The following USO1 variants were observed in gnomAD, a reference collection of about 807,000 sequenced individuals.
USO1 encodes USO1 vesicle transport factor, also known as general vesicular transport factor p115.
A neutral mutation model predicts 124.5 loss-of-function variants in USO1; 57 were observed. That is an observed-to-expected ratio of 0.46 (90% CI 0.37 to 0.57). USO1 has a LOEUF of 0.57. Ranked by LOEUF, USO1 falls within the 20% of genes least tolerant of loss-of-function variation. The probability of loss-of-function intolerance (pLI) is 0.00; values close to 1 mark genes in which losing one functional copy is unlikely to be tolerated. For synonymous variants in USO1, 369 were observed against 362.8 expected (o/e 1.02, Z -0.19); for missense variants, 900 against 1,040.6 (o/e 0.86, Z 1.86).
chr4:75,739,707 C>T (rs1577927522), intron 1 of USO1, among the ~76,000 whole-genome samples: 1 of 151,474 alleles, frequency 6.6e-6, no homozygotes, highest in Non-Finnish European at 1.5e-5. Flanking sequence ...CCACCACACT[C>T]AGCTAGTTTT....
intron 1 of USO1, among the ~76,000 whole-genome samples, chr4:75,734,718 C>CTTTTTTTTTTTTTTTTTTTTTT (rs55928639): frequency 4.2e-5 from 2 of 47,450 alleles, no homozygotes; most frequent in Non-Finnish European, 7.1e-5. Context: ...GGCAGTATGG[C>CTTTTTTTTTTTTTTTTTTTTTT]TTTTTTTTTT....
chr4:75,788,351 A>G (rs1370351681), intron 10 of USO1, among the ~76,000 whole-genome samples: 1 of 149,386 alleles, frequency 6.7e-6, no homozygotes, highest in Non-Finnish European at 1.5e-5. Context: ...TAATTTTAGT[A>G]GAGACAGGGT....
chr4:75,778,668 A>T (rs1417562378), intron 8 of USO1, among the ~76,000 whole-genome samples: 1 of 152,162 alleles, frequency 6.6e-6, no homozygotes, highest in Non-Finnish European at 1.5e-5. Context: ...AGGGCCATGA[A>T]ACTATTCTGT....
chr4:75,812,084 AAG>A, intron 22 of USO1, 74 bp from the exon 23 acceptor site: 1 of 1,536,554 alleles, frequency 6.5e-7, no homozygotes, highest in Non-Finnish European at 8.7e-7. Context: ...TTGTCATAGA[AAG>A]AAACTATTTG....
intron 4 of USO1, among the ~76,000 whole-genome samples, chr4:75,761,588 A>T (rs1017629632): frequency 1.6e-4 from 25 of 152,152 alleles, no homozygotes; most frequent in African/African-American, 6.0e-4. Flanking sequence ...TTAGTTACTG[A>T]CATTTCTTAC....
chr4:75,812,291 A>G lies in USO1; in HGVS notation c.2715A>G (p.Glu905=), dbSNP rs1485532326. The G allele has an allele frequency of 3.1e-6, 5 of 1,607,590 alleles. No individual in the cohort carries two copies. Among genetic ancestry groups the G allele is most frequent in the Non-Finnish European group, 4.2e-6 (5 of 1,176,824 alleles). ...LELEITDSKK[E]QDDLLVLLAD... ...TGGAAATTACAGATTCTAAAAAAGA[A>G]CAAGATGATCTCTTGGTGCTCTTGG... The change falls in exon 23 of 24, where the codon GAA becomes GAG. Residue 905 remains glutamate (E), a synonymous_variant. Coordinates refer to ENST00000514213, the MANE Select transcript of USO1 (RefSeq NM_003715.4).
chr4:75,791,748 T>C (rs1722538456), intron 12 of USO1, among the ~76,000 whole-genome samples: 1 of 152,158 alleles, frequency 6.6e-6, no homozygotes. Context: ...TCATTTTAAT[T>C]ACATACATTG....
chr4:75,813,921 A>G lies in USO1; in HGVS notation c.*626A>G, dbSNP rs1424467737. ...GCTGACACACAGTGATGTGGAGGGCATTCCGGAGAAACTTTTGCAACAGTG... is the reference window on the plus strand; with the variant it reads ...GCTGACACACAGTGATGTGGAGGGCGTTCCGGAGAAACTTTTGCAACAGTG... On this transcript the variant is annotated 3_prime_UTR_variant, in exon 24 of 24. Transcript: ENST00000514213. 4 of 152,244 alleles carry G rather than the reference A, an allele frequency of 2.6e-5. No individual in the cohort carries two copies. The highest frequency in any genetic ancestry group is 9.6e-5 in the African/African-American group (4 of 41,470). 9.4% of individuals were successfully genotyped at this position (152,244 alleles called of 1,614,324 possible). A position where few individuals can be genotyped will look rare whatever the true frequency, so the allele number is the denominator to read the frequency against.
intron 21 of USO1, among the ~76,000 whole-genome samples, chr4:75,809,659 C>T (rs1391496841): frequency 2.0e-5 from 3 of 152,180 alleles, no homozygotes; most frequent in Non-Finnish European, 4.4e-5. Context: ...TTCCCAGTAA[C>T]ATGTTCCTAG....
rs1721894048 is a variant in USO1, at chr4:75,770,538, A to C, written c.395A>C (p.Glu132Ala). 14 of 1,568,424 alleles carry C rather than the reference A, an allele frequency of 8.9e-6. No homozygotes were observed. Among genetic ancestry groups the C allele is most frequent in the Non-Finnish European group, 1.2e-5 (14 of 1,157,922 alleles). Reference sequence around the variant, plus strand: ...GTCACTCTTCTGTTATCTTTATTGGAGGTAAATAGGGAACCTTGATGTTTT... The same window carrying C: ...GTCACTCTTCTGTTATCTTTATTGGCGGTAAATAGGGAACCTTGATGTTTT... ...ENVTLLLSLLEEFDFHVRWPG... is the reference protein window; with the variant it reads ...ENVTLLLSLLAEFDFHVRWPG... The change falls in exon 5 of 24, where the codon GAG becomes GCG. Residue 132 changes from glutamate to alanine, a missense_variant and splice_region_variant. By Grantham distance (107) the Glu-to-Ala change is moderately radical (BLOSUM62 -1). Coordinates refer to ENST00000514213, the MANE Select transcript of USO1 (RefSeq NM_003715.4).
chr4:75,726,321 A>C (rs773720094), intron 1 of USO1, among the ~76,000 whole-genome samples: 58 of 149,328 alleles, frequency 3.9e-4, no homozygotes, highest in African/African-American at 1.3e-3. Flanking sequence ...TAACTTGACC[A>C]ATGTCACACT....
intron 3 of USO1, among the ~76,000 whole-genome samples, chr4:75,754,426 A>G (rs1206646420): frequency 6.6e-6 from 1 of 152,144 alleles, no homozygotes; most frequent in African/African-American, 2.4e-5. Context: ...TTTGGTTTTC[A>G]TTAACTGTGC....
At chr4:75,806,696 C>T in intron 20 of USO1, 124 bp downstream of exon 20, 1 of 1,274,082 alleles carries the variant, frequency 7.8e-7, no homozygotes. Context: ...GTTAAGACAG[C>T]CATTTGAAAA....
At chr4:75,794,587 C>T (rs1722628361) in intron 13 of USO1, among the ~76,000 whole-genome samples, 1 of 152,206 alleles carries the variant, frequency 6.6e-6, no homozygotes, top group South Asian at 2.1e-4. Flanking sequence ...TTTAGCAAAA[C>T]TCTAAAGTCA....
chr4:75,782,677 C>T lies in USO1; in HGVS notation c.677-3C>T. 1.3e-6 allele frequency: 2 copies of T among 1,541,660 alleles called. No individual in the cohort carries two copies. The highest frequency in any genetic ancestry group is 1.7e-6 in the Non-Finnish European group (2 of 1,147,202). On this transcript the variant is annotated splice_region_variant and splice_polypyrimidine_tract_variant and intron_variant, in intron 8 of 23. Coordinates refer to ENST00000514213, the MANE Select transcript of USO1 (RefSeq NM_003715.4). The stretch of plus-strand genomic sequence containing the variant: ...ACGCTTGTGTTTTACATTATTTCCC[C>T]AGGTATAGTAGTTGAAGATTGTTTG...
chr4:75,765,637 C>CTTT (rs11385399), intron 4 of USO1, among the ~76,000 whole-genome samples: 5 of 144,882 alleles, frequency 3.5e-5, no homozygotes, highest in Non-Finnish European at 7.5e-5. Flanking sequence ...GGTACCAGTT[C>CTTT]TTTTTTTTTT....
rs780680210 is a variant in USO1 at position 75,770,964 on chromosome 4, A to T, written c.499+40A>T. Reference sequence around the variant, plus strand: ...TTTTTTATATTATTTTGATTCAAGCATGAGTATCATTTCCTAGAGAAAGGG... The same window carrying T: ...TTTTTTATATTATTTTGATTCAAGCTTGAGTATCATTTCCTAGAGAAAGGG... On this transcript the variant is annotated intron_variant, in intron 6 of 23. Coordinates refer to ENST00000514213, the MANE Select transcript of USO1 (RefSeq NM_003715.4). 3 of 1,600,266 alleles carry T rather than the reference A, an allele frequency of 1.9e-6. No homozygotes were observed. In the African/African-American group the frequency reaches 4.1e-5, roughly 22 times the overall value.
At chr4:75,763,370 T>C (rs1721677328) in intron 4 of USO1, among the ~76,000 whole-genome samples, 1 of 152,214 alleles carries the variant, frequency 6.6e-6, no homozygotes, top group African/African-American at 2.4e-5. Context: ...TCACCTTCAG[T>C]ACAGTATTCA....
chr4:75,802,444 T>A (rs1333565777), intron 17 of USO1, among the ~76,000 whole-genome samples: 2 of 152,208 alleles, frequency 1.3e-5, no homozygotes, highest in Non-Finnish European at 2.9e-5. Context: ...ACAATTACTC[T>A]AATGACTTCC....
Sources: gnomAD v4.1 joint callset for allele counts (sites outside exome capture counted in the v4.1 genomes callset) on GRCh38, gnomAD v4.1.1 for gene constraint, MANE v1.5 for transcripts, NCBI Gene and HGNC (gene_info 2026-07-23, HGNC 2026-07-21) for gene names.